The following VAV3 variants were observed in gnomAD, a reference collection of about 807,000 sequenced individuals.
The protein encoded by VAV3 is guanine nucleotide exchange factor VAV3.
A neutral mutation model predicts 131.2 loss-of-function variants in VAV3; 94 were observed. The ratio of observed to expected loss-of-function variants is 0.72; its 90% confidence interval spans 0.61 to 0.85. The LOEUF (loss-of-function observed/expected upper bound fraction) is 0.85, where lower values mean the gene tolerates loss of function less well. Among genes scored for constraint, VAV3 ranks in the 40% least tolerant of loss-of-function variants. VAV3 has a pLI of 0.00. For missense variants in VAV3, 939 were observed against 1,002.7 expected (o/e 0.94, Z 0.86); for synonymous variants, 349 against 342.0 (o/e 1.02, Z -0.22).
At chr1:107,644,560 T>C (rs1347951880) in intron 19 of VAV3, among the ~76,000 whole-genome samples, 1 of 152,106 alleles carries the variant, frequency 6.6e-6, no homozygotes, top group African/African-American at 2.4e-5. Context: ...TGGACTTCAC[T>C]GCAGTTTTCT....
chr1:107,684,793 A>C (rs533742087), intron 18 of VAV3, among the ~76,000 whole-genome samples: 1 of 152,330 alleles, frequency 6.6e-6, no homozygotes, highest in South Asian at 2.1e-4. Flanking sequence ...AGGCACAAAA[A>C]TTGGAAGCAT....
rs567873695 is a variant in VAV3, at chr1:107,870,431, T to A, written c.321+4470A>T. ...CATATGTTTGTTGGCCATTTGTATG[T>A]CTTCTTTTGAGAATTGTCTATTCAT... On this transcript the variant is annotated intron_variant, in intron 2 of 26. Coordinates refer to ENST00000370056, the MANE Select transcript of VAV3 (RefSeq NM_006113.5). Among the ~76,000 whole-genome samples the A allele has an allele frequency of 1.4e-4, 21 of 152,344 alleles. No homozygotes were observed. The South Asian group carries it at 4.1e-3, about 30-fold the overall frequency.
chr1:107,641,230 A>C (rs1160644297), intron 20 of VAV3, among the ~76,000 whole-genome samples: 1 of 152,210 alleles, frequency 6.6e-6, no homozygotes, highest in Non-Finnish European at 1.5e-5. Context: ...GGGCATTCTT[A>C]TATAACAAGA....
intron 19 of VAV3, among the ~76,000 whole-genome samples, chr1:107,682,856 T>TA (rs1356546878): frequency 1.3e-5 from 2 of 152,148 alleles, no homozygotes; most frequent in Non-Finnish European, 2.9e-5. Flanking sequence ...ATCACATACA[T>TA]AAAAAATCTT....
chr1:107,594,345 T>C (rs551112917), intron 25 of VAV3, among the ~76,000 whole-genome samples: 29 of 152,238 alleles, frequency 1.9e-4, no homozygotes, highest in African/African-American at 5.8e-4. Flanking sequence ...AGGTGTTTAA[T>C]ATATATCTGT....
Position 107,705,027 on chromosome 1 carries a change from A to G in VAV3, c.1537T>C (p.Phe513Leu). The G allele has an allele frequency of 1.2e-6, 2 of 1,613,854 alleles. No homozygotes were observed. Among genetic ancestry groups the G allele is most frequent in the Non-Finnish European group, 1.7e-6 (2 of 1,179,870 alleles). Residue 513 changes from phenylalanine (F) to leucine (L), a missense_variant, in exon 16 of 27, where the codon TTC becomes CTC. Phe to Leu is a conservative substitution (Grantham distance 22, BLOSUM62 0). Coordinates refer to ENST00000370056, the MANE Select transcript of VAV3 (RefSeq NM_006113.5). The part of the protein sequence containing the change: ...NIRPDYADSN[F>L]HDFKMHTFTR... ...AAGGTATGCATCTTGAAGTCGTGGAAATTGGAGTCTGCATAGTCTGGTCTT... is the reference window on the plus strand; with the variant it reads ...AAGGTATGCATCTTGAAGTCGTGGAGATTGGAGTCTGCATAGTCTGGTCTT...
intron 21 of VAV3, among the ~76,000 whole-genome samples, chr1:107,610,713 C>G (rs1168494067): frequency 6.6e-6 from 1 of 151,832 alleles, no homozygotes; most frequent in African/African-American, 2.4e-5. Context: ...TGCTAATGGT[C>G]AAATAGAAAA....
chr1:107,589,310 G>C (rs1317427580), intron 25 of VAV3, among the ~76,000 whole-genome samples: 2 of 152,240 alleles, frequency 1.3e-5, no homozygotes, highest in Non-Finnish European at 2.9e-5. Context: ...AGATCAAGCT[G>C]TATTTGGGTG....
At chr1:107,658,394 T>A (rs903383744) in intron 19 of VAV3, among the ~76,000 whole-genome samples, 2 of 152,236 alleles carry the variant, frequency 1.3e-5, no homozygotes, top group African/African-American at 4.8e-5. Flanking sequence ...TTGTGAATAG[T>A]GCTGCAATAA....
chr1:107,656,862 A>G (rs992404844), intron 19 of VAV3, among the ~76,000 whole-genome samples: 28 of 151,870 alleles, frequency 1.8e-4, no homozygotes, highest in African/African-American at 5.8e-4. Flanking sequence ...TTACTCCTGC[A>G]TATAAGCCTA....
At chr1:107,765,975 T>C (rs1664711247) in intron 8 of VAV3, among the ~76,000 whole-genome samples, 1 of 152,222 alleles carries the variant, frequency 6.6e-6, no homozygotes, top group Non-Finnish European at 1.5e-5. Flanking sequence ...GGAGATTTTT[T>C]TTTAACTTAG....
At chr1:107,661,608 TC>T (rs1388053401) in intron 19 of VAV3, among the ~76,000 whole-genome samples, 1 of 152,216 alleles carries the variant, frequency 6.6e-6, no homozygotes, top group Non-Finnish European at 1.5e-5. Flanking sequence ...GTGTTTGGTG[TC>T]CAATAATCTC....
At chr1:107,654,208 T>C (rs1656375510) in intron 19 of VAV3, among the ~76,000 whole-genome samples, 1 of 152,000 alleles carries the variant, frequency 6.6e-6, no homozygotes, top group South Asian at 2.1e-4. Context: ...TATTTCAGAT[T>C]TCAATACTTA....
intron 1 of VAV3, among the ~76,000 whole-genome samples, chr1:107,899,764 A>C (rs1433783711): frequency 6.6e-6 from 1 of 152,214 alleles, no homozygotes; most frequent in Non-Finnish European, 1.5e-5. Flanking sequence ...AGAATGAAGT[A>C]ACATGCCTAA....
chr1:107,964,531 G>A, intron 1 of VAV3, 135 bp downstream of exon 1: 1 of 958,660 alleles, frequency 1.0e-6, no homozygotes, highest in East Asian at 2.8e-5. Context: ...TGGTGCCGAA[G>A]TGGTCCCAAA....
intron 15 of VAV3, among the ~76,000 whole-genome samples, chr1:107,718,818 C>G (rs561407663): frequency 6.6e-6 from 1 of 152,064 alleles, no homozygotes; most frequent in South Asian, 2.1e-4. Context: ...ACTACAAGAC[C>G]ACAGTAACCA....
intron 5 of VAV3, among the ~76,000 whole-genome samples, chr1:107,772,329 GAAGA>G (rs1665095176): frequency 6.6e-6 from 1 of 152,022 alleles, no homozygotes; most frequent in Admixed American, 6.6e-5. Context: ...TAACAAATGT[GAAGA>G]AATACTCTTT....
intron 24 of VAV3, among the ~76,000 whole-genome samples, chr1:107,598,137 T>C (rs1162374482): frequency 1.3e-5 from 2 of 152,194 alleles, no homozygotes; most frequent in East Asian, 3.8e-4. Flanking sequence ...GCGGATCACC[T>C]GAGGCCAGGA....
At chr1:107,813,026 G>C (rs1667392423) in intron 2 of VAV3, among the ~76,000 whole-genome samples, 1 of 151,740 alleles carries the variant, frequency 6.6e-6, no homozygotes, top group Non-Finnish European at 1.5e-5. Flanking sequence ...GGGAGGCTGA[G>C]GCAGGAGAAT....
Sources: gnomAD v4.1 joint callset for allele counts (sites outside exome capture counted in the v4.1 genomes callset) on GRCh38, gnomAD v4.1.1 for gene constraint, MANE v1.5 for transcripts, NCBI Gene and HGNC (gene_info 2026-07-23, HGNC 2026-07-21) for gene names.